The following GRIK2 variants were observed in gnomAD, a reference collection of about 807,000 sequenced individuals.
The protein encoded by GRIK2 is glutamate ionotropic receptor kainate type subunit 2.
A neutral mutation model predicts 100.3 loss-of-function variants in GRIK2; 32 were observed. The observed-to-expected ratio is 0.32, with a 90% CI of 0.24 to 0.43. The LOEUF (loss-of-function observed/expected upper bound fraction) is 0.43. Among genes scored for constraint, GRIK2 ranks in the 20% least tolerant of loss-of-function variants. GRIK2 has a pLI of 1.00. For missense variants in GRIK2, 843 were observed against 1,114.9 expected (o/e 0.76, Z 3.47); for synonymous variants, 417 against 389.4 (o/e 1.07, Z -0.83).
chr6:101,399,403 C>G lies in GRIK2; in HGVS notation c.115+11C>G. The G allele has an allele frequency of 3.8e-6, 5 of 1,326,612 alleles. No homozygotes were observed. In the South Asian group the frequency reaches 5.9e-5, roughly 16 times the overall value. The allele number at this position is 1,326,612 out of a possible 1,614,324, so 82.2% of individuals were successfully genotyped here. ...ATGTATTAAGATTTGGTAAGATTCC[C>G]CATCTCTCTTGGTTGCCTGGTATCC... On this transcript the variant is annotated intron_variant, in intron 2 of 16. Transcript: ENST00000369134.
chr6:102,039,140 C>T (rs1770436415), intron 15 of GRIK2, among the ~76,000 whole-genome samples: 1 of 151,478 alleles, frequency 6.6e-6, no homozygotes, highest in South Asian at 2.1e-4. Flanking sequence ...CACCATTCAT[C>T]ACTCTGAGTG....
intron 12 of GRIK2, among the ~76,000 whole-genome samples, chr6:101,895,357 A>G (rs936978188): frequency 2.6e-5 from 4 of 151,640 alleles, no homozygotes; most frequent in Non-Finnish European, 5.9e-5. Context: ...CCCAGAATCT[A>G]CTCAATGGTT....
At chr6:101,889,601 C>CG (rs1457287068) in intron 11 of GRIK2, 39 bp from the exon 12 acceptor site, 1 of 1,017,356 alleles carries the variant, frequency 9.8e-7, no homozygotes, top group East Asian at 2.6e-5. Context: ...CTCTTTCTTT[C>CG]TTTCTTTTTT....
chr6:101,990,225 A>C, intron 14 of GRIK2, among the ~76,000 whole-genome samples: 1 of 151,680 alleles, frequency 6.6e-6, no homozygotes, highest in East Asian at 1.9e-4. Context: ...TAGCCACTTT[A>C]CAGGCATTTT....
At chr6:101,866,265 G>A (rs962518929) in intron 11 of GRIK2, among the ~76,000 whole-genome samples, 2 of 152,216 alleles carry the variant, frequency 1.3e-5, no homozygotes, top group Non-Finnish European at 2.9e-5. Context: ...ATAGTACCAT[G>A]TAACAGGATT....
rs559542487 is a variant in GRIK2 at position 101,521,227 on chromosome 6, C to T, written c.116-100722C>T. Among the ~76,000 whole-genome samples the T allele has an allele frequency of 2.4e-4, 37 of 151,790 alleles. No individual in the cohort carries two copies. The South Asian group carries it at 6.9e-3, about 28-fold the overall frequency. Reference sequence around the variant, plus strand: ...CCTGGAATTTCCACATTTATTTTTGCGGGAAAAAGAAAACTATTGTATATA... The same window carrying T: ...CCTGGAATTTCCACATTTATTTTTGTGGGAAAAAGAAAACTATTGTATATA... On this transcript the variant is annotated intron_variant, in intron 2 of 16. Coordinates refer to ENST00000369134, the MANE Select transcript of GRIK2 (RefSeq NM_021956.5).
intron 15 of GRIK2, among the ~76,000 whole-genome samples, chr6:102,049,609 T>C (rs1472418131): frequency 6.6e-6 from 1 of 152,176 alleles, no homozygotes; most frequent in Non-Finnish European, 1.5e-5. Context: ...TGATATGTAG[T>C]ATTAATCAAG....
intron 7 of GRIK2, among the ~76,000 whole-genome samples, chr6:101,702,382 TG>T (rs1447224092): frequency 6.6e-6 from 1 of 151,986 alleles, no homozygotes; most frequent in African/African-American, 2.4e-5. Context: ...AGTTAGATGT[TG>T]TACATTAACA....
chr6:102,051,134 C>T (rs1341639937), intron 15 of GRIK2, among the ~76,000 whole-genome samples: 4 of 152,090 alleles, frequency 2.6e-5, no homozygotes, highest in Admixed American at 2.0e-4. Context: ...TCACTTGAAA[C>T]TGCCTCTATA....
intron 14 of GRIK2, among the ~76,000 whole-genome samples, chr6:101,971,171 T>C (rs1793027032): frequency 6.9e-6 from 1 of 144,452 alleles, no homozygotes; most frequent in Admixed American, 6.7e-5. Context: ...TGAGATATAT[T>C]CACATCTGTA....
intron 2 of GRIK2, among the ~76,000 whole-genome samples, chr6:101,529,303 T>C (rs1205931794): frequency 1.3e-5 from 2 of 152,096 alleles, no homozygotes; most frequent in Non-Finnish European, 2.9e-5. Flanking sequence ...TTTAGAGGAA[T>C]GATAGCTAAA....
At chr6:101,682,379 G>GT (rs1771337381) in intron 5 of GRIK2, among the ~76,000 whole-genome samples, 174 bp from the exon 6 acceptor site, 1 of 152,170 alleles carries the variant, frequency 6.6e-6, no homozygotes, top group African/African-American at 2.4e-5. Flanking sequence ...AATTCCTTCA[G>GT]TAACCACTAA....
intron 7 of GRIK2, among the ~76,000 whole-genome samples, chr6:101,794,866 ATTT>A (rs554125741): frequency 1.5e-5 from 2 of 134,770 alleles, no homozygotes; most frequent in Non-Finnish European, 1.6e-5. Flanking sequence ...GCTTGTTTCA[ATTT>A]TTTTTTTTTT....
chr6:102,010,575 C>T (rs1795480803), intron 14 of GRIK2, among the ~76,000 whole-genome samples: 1 of 151,796 alleles, frequency 6.6e-6, no homozygotes, highest in Admixed American at 6.6e-5. Flanking sequence ...TTAGTAGAGG[C>T]TGGGTTTCAC....
chr6:101,924,038 A>G (rs1473715402), intron 12 of GRIK2, among the ~76,000 whole-genome samples: 1 of 151,704 alleles, frequency 6.6e-6, no homozygotes, highest in Admixed American at 6.6e-5. Flanking sequence ...AATGCAGTAG[A>G]TTCTTATTTT....
intron 2 of GRIK2, among the ~76,000 whole-genome samples, chr6:101,606,684 A>G (rs1394999901): frequency 1.3e-5 from 2 of 152,054 alleles, no homozygotes; most frequent in Admixed American, 6.6e-5. Flanking sequence ...TCATATAAGT[A>G]TGGTATACTA....
intron 2 of GRIK2, among the ~76,000 whole-genome samples, chr6:101,619,591 T>TAGA (rs1419802695): frequency 2.0e-5 from 3 of 152,042 alleles, no homozygotes; most frequent in Admixed American, 6.6e-5. Context: ...ACGAAAAAAG[T>TAGA]AGAAGATTCA....
chr6:101,602,766 T>C (rs1779282075), intron 2 of GRIK2, among the ~76,000 whole-genome samples: 1 of 151,634 alleles, frequency 6.6e-6, no homozygotes, highest in African/African-American at 2.4e-5. Context: ...AAAAAGCCAG[T>C]AAGTAGTGCT....
At chr6:102,019,797 T>C (rs1204567437) in intron 14 of GRIK2, among the ~76,000 whole-genome samples, 2 of 151,980 alleles carry the variant, frequency 1.3e-5, no homozygotes, top group Non-Finnish European at 2.9e-5. Flanking sequence ...TAAAATCATC[T>C]TTATATATCC....
Sources: gnomAD v4.1 joint callset for allele counts (sites outside exome capture counted in the v4.1 genomes callset) on GRCh38, gnomAD v4.1.1 for gene constraint, MANE v1.5 for transcripts, NCBI Gene and HGNC (gene_info 2026-07-23, HGNC 2026-07-21) for gene names.